Variants in TECTA observed in about 807,000 individuals in gnomAD.
TECTA encodes tectorin alpha, also known as alpha-tectorin.
Under a neutral mutation model 216.8 loss-of-function variants are expected in TECTA, and 128 were observed. The observed-to-expected ratio is 0.59, with a 90% CI of 0.51 to 0.68. The LOEUF is 0.68. Among genes scored for constraint, TECTA ranks in the 30% least tolerant of loss-of-function variants. TECTA has a pLI of 0.00. For synonymous variants in TECTA, 1,089 were observed against 1,117.1 expected (o/e 0.97, Z 0.50); for missense variants, 2,551 against 2,786.2 (o/e 0.92, Z 1.90).
At position 121,162,251 on chromosome 11, in the gene TECTA, A is replaced by G. The variant is rs1947008250; in HGVS notation, c.5153A>G (p.Tyr1718Cys). Residue 1718 changes from tyrosine to cysteine, a missense_variant, in exon 16 of 24, where the codon TAC becomes TGC. Physicochemically the swap from Tyr to Cys is radical, Grantham distance 194 (BLOSUM62 -2). Transcript: ENST00000392793. ...CCCCTCCCATTCTACGAGTCCTGCT[A>G]CCTGGACGGCTGCTACAGCCACAAG... Reference protein sequence around the residue: ...LDPLPFYESCYLDGCYSHKKF... With the variant: ...LDPLPFYESCCLDGCYSHKKF... The G allele has an allele frequency of 6.2e-7, 1 of 1,614,084 alleles. No homozygotes were observed. Among genetic ancestry groups the G allele is most frequent in the Non-Finnish European group, 8.5e-7 (1 of 1,180,036 alleles).
At chr11:121,104,741 C>T (rs1243930778) in intron 2 of TECTA, among the ~76,000 whole-genome samples, 7 of 151,970 alleles carry the variant, frequency 4.6e-5, no homozygotes, top group African/African-American at 1.7e-4. Flanking sequence ...AAGTAGAAGG[C>T]CCGACATGAG....
At chr11:121,149,450 C>G (rs1946869054) in intron 12 of TECTA, among the ~76,000 whole-genome samples, 1 of 152,204 alleles carries the variant, frequency 6.6e-6, no homozygotes, top group Non-Finnish European at 1.5e-5. Flanking sequence ...ACTATTACTA[C>G]TGTGAATTGC....
Position 121,118,723 on chromosome 11 carries a change from G to A in TECTA, c.1203+5G>A, listed in dbSNP as rs759184963. Reference sequence around the variant, plus strand: ...GGAAGCTATGGAAGAGTCAAGGTGAGCCCCTTTCTATCCTTCACGGGGAAA... The same window carrying A: ...GGAAGCTATGGAAGAGTCAAGGTGAACCCCTTTCTATCCTTCACGGGGAAA... On this transcript the variant is annotated splice_donor_5th_base_variant and intron_variant, in intron 7 of 23. Coordinates refer to ENST00000392793, the MANE Select transcript of TECTA (RefSeq NM_005422.4). 6.2e-7 allele frequency: 1 copy of A among 1,613,372 alleles called. No homozygotes were observed. The highest frequency in any genetic ancestry group is 2.2e-5 in the East Asian group (1 of 44,884).
Position 121,113,296 on chromosome 11 carries a change from C to T in TECTA, c.624+87C>T. ...CTCAGCATCCTGGAGGGAATCCTGC[C>T]ACCAGCTTTTAACTAGAGACGCAGG... On this transcript the variant is annotated intron_variant, in intron 5 of 23. Coordinates refer to ENST00000392793, the MANE Select transcript of TECTA (RefSeq NM_005422.4). The surrounding 1 kb of genome is among the most constrained non-coding windows in gnomAD (Gnocchi z 4.2). 1 of 1,604,998 alleles carries T rather than the reference C, an allele frequency of 6.2e-7. No individual in the cohort carries two copies. The highest frequency in any genetic ancestry group is 8.5e-7 in the Non-Finnish European group (1 of 1,176,816).
chr11:121,150,354 G>A (rs926680373), intron 12 of TECTA, among the ~76,000 whole-genome samples: 6 of 152,060 alleles, frequency 3.9e-5, no homozygotes, highest in African/African-American at 7.2e-5. Flanking sequence ...AATAAAATCC[G>A]GGCAGAACAA....
intron 20 of TECTA, among the ~76,000 whole-genome samples, chr11:121,175,288 G>A (rs1162963942): frequency 6.6e-6 from 1 of 151,420 alleles, no homozygotes; most frequent in Non-Finnish European, 1.5e-5. Context: ...TGATGTTAGG[G>A]TGTCAATTTT....
chr11:121,175,168 G>A (rs1448325341), intron 20 of TECTA, among the ~76,000 whole-genome samples: 2 of 151,888 alleles, frequency 1.3e-5, no homozygotes, highest in South Asian at 2.1e-4. Flanking sequence ...ATTTTTTGAA[G>A]GGTTTTTTTG....
chr11:121,170,370 A>G (rs1947098537), intron 20 of TECTA, among the ~76,000 whole-genome samples: 1 of 152,108 alleles, frequency 6.6e-6, no homozygotes, highest in Non-Finnish European at 1.5e-5. Context: ...ATAAATACCC[A>G]GTAGTGGCCT....
At chr11:121,182,252 G>A (rs1947237501) in intron 20 of TECTA, among the ~76,000 whole-genome samples, 1 of 151,938 alleles carries the variant, frequency 6.6e-6, no homozygotes, top group Non-Finnish European at 1.5e-5. Flanking sequence ...GCCCTAAGTG[G>A]TGTGTGTGGC....
At position 121,165,399 on chromosome 11, in the gene TECTA, C is replaced by T; in HGVS notation, c.5383+16C>T. The T allele has an allele frequency of 6.4e-7, 1 of 1,558,324 alleles. No homozygotes were observed. Among genetic ancestry groups the T allele is most frequent in the African/African-American group, 1.4e-5 (1 of 73,706 alleles). On this transcript the variant is annotated intron_variant, in intron 17 of 23. Coordinates refer to ENST00000392793, the MANE Select transcript of TECTA (RefSeq NM_005422.4). ...TATGGAAATAGTGAGTGACATGGGC[C>T]ACCTCCCCACCCAGAAAGGCCCCAT... is the stretch of plus-strand genomic sequence containing the variant.
intron 19 of TECTA, 127 bp from the exon 20 acceptor site, chr11:121,168,550 C>A: frequency 7.2e-7 from 1 of 1,382,996 alleles, no homozygotes; most frequent in Non-Finnish European, 1.0e-6. Context: ...CTGTATTGGA[C>A]AGCACAGCCT....
In TECTA at chr11:121,113,608, C is replaced by A. The variant is rs138438027; in HGVS notation, c.680C>A (p.Thr227Asn). Residue 227 changes from threonine to asparagine, a missense_variant, in exon 6 of 24, where the codon ACC becomes AAC. This residue lies in a region of TECTA where 2,375 missense variants were observed against 2,563.9 expected (regional missense o/e 0.93). Transcript: ENST00000392793. The surrounding 1 kb of genome is among the most constrained non-coding windows in gnomAD (Gnocchi z 4.2). The stretch of plus-strand genomic sequence containing the variant: ...TTCTTCAGCCTCCCGGGGTCAAGAA[C>A]CCCCGAGATCGTGAATATCCAGGAG... ...TNFFSLPGSR[T>N]PEIVNIQETT... 11 of 1,613,868 alleles carry A rather than the reference C, an allele frequency of 6.8e-6. No homozygotes were observed. Among genetic ancestry groups the A allele is most frequent in the African/African-American group, 2.7e-5 (2 of 74,902 alleles).
chr11:121,140,745 G>A (rs762236665), intron 11 of TECTA, among the ~76,000 whole-genome samples: 20 of 152,096 alleles, frequency 1.3e-4, no homozygotes, highest in African/African-American at 4.1e-4. Context: ...CTCTGCCTCC[G>A]CCTTTACATG....
At chr11:121,171,290 T>G (rs565091698) in intron 20 of TECTA, among the ~76,000 whole-genome samples, 2 of 152,180 alleles carry the variant, frequency 1.3e-5, no homozygotes, top group Non-Finnish European at 2.9e-5. Context: ...TCTATGTGTC[T>G]GTTTTTATAC....
chr11:121,169,572 A>G (rs1289678542), intron 20 of TECTA, among the ~76,000 whole-genome samples: 1 of 152,228 alleles, frequency 6.6e-6, no homozygotes, highest in Non-Finnish European at 1.5e-5. Context: ...TCATTTTAAC[A>G]GCTTTATTGC....
At chr11:121,156,270 G>C (rs973464431) in intron 13 of TECTA, among the ~76,000 whole-genome samples, 1 of 152,144 alleles carries the variant, frequency 6.6e-6, no homozygotes, top group Non-Finnish European at 1.5e-5. Flanking sequence ...TACCTCACAG[G>C]CTTAAGCGGT....
chr11:121,117,975 C>G (rs1259917664), intron 6 of TECTA, among the ~76,000 whole-genome samples: 1 of 152,198 alleles, frequency 6.6e-6, no homozygotes, highest in African/African-American at 2.4e-5. Context: ...GTGTCATACC[C>G]TTTTCCATGG....
At position 121,140,981 on chromosome 11, in the gene TECTA, T is replaced by C. The variant is rs150747289; in HGVS notation, c.3543+2959T>C. The C allele has an allele frequency of 3.9e-5, 6 of 152,234 alleles. No homozygotes were observed. In the South Asian group the frequency reaches 1.0e-3, roughly 26 times the overall value. 9.4% of individuals were successfully genotyped at this position (152,234 alleles called of 1,614,324 possible). A position where few individuals can be genotyped will look rare whatever the true frequency, so the allele number is the denominator to read the frequency against. On this transcript the variant is annotated intron_variant, in intron 11 of 23. Transcript: ENST00000392793. ...CAGTGTAACCCACAATAGGGGGTCA[T>C]TGGAGACAATGAGCATCAAGGAGAA... is the stretch of plus-strand genomic sequence containing the variant.
In TECTA at chr11:121,191,332, C is replaced by T; in HGVS notation, c.*526C>T. ...TTCTCCACCCACTGTGTCCTTCAAC[C>T]TTGCCATGGCAGCTTTGGCCACTGG... On this transcript the variant is annotated 3_prime_UTR_variant, in exon 24 of 24. Transcript: ENST00000392793. 1 of 170,518 alleles carries T rather than the reference C, an allele frequency of 5.9e-6. No homozygotes were observed. Among genetic ancestry groups the T allele is most frequent in the South Asian group, 1.4e-4 (1 of 6,954 alleles). The allele number at this position is 170,518 out of a possible 1,614,324, so 10.6% of individuals were successfully genotyped here. A position where few individuals can be genotyped will look rare whatever the true frequency, so the allele number is the denominator to read the frequency against.
Sources: gnomAD v4.1 joint callset for allele counts (sites outside exome capture counted in the v4.1 genomes callset) on GRCh38, gnomAD v4.1.1 for gene constraint, gnomAD v4.1.1 regional missense constraint, Gnocchi (gnomAD v3.1) non-coding constraint, MANE v1.5 for transcripts, NCBI Gene and HGNC (gene_info 2026-07-23, HGNC 2026-07-21) for gene names.